The following FAM184A variants were observed in gnomAD, a reference collection of about 807,000 sequenced individuals.
The protein encoded by FAM184A is family with sequence similarity 184 member A.
FAM184A carries 99 observed loss-of-function variants against 143.8 expected under a neutral mutation model. The ratio of observed to expected loss-of-function variants is 0.69; its 90% CI spans 0.58 to 0.81. The LOEUF (loss-of-function observed/expected upper bound fraction) is 0.81, where lower values mean the gene tolerates loss of function less well. Among genes scored for constraint, FAM184A ranks in the 40% least tolerant of loss-of-function variants. FAM184A has a pLI of 0.00. For synonymous variants in FAM184A, 427 were observed against 446.4 expected (o/e 0.96, Z 0.55); for missense variants, 1,217 against 1,310.5 (o/e 0.93, Z 1.10).
intron 3 of FAM184A, among the ~76,000 whole-genome samples, chr6:119,021,788 C>T (rs937291389): frequency 1.3e-5 from 2 of 152,022 alleles, no homozygotes; most frequent in South Asian, 4.2e-4. Context: ...TCACCCTAGG[C>T]AACATGGCAA....
Position 118,975,875 on chromosome 6 carries a change from C to T in FAM184A, c.2583+42G>A, listed in dbSNP as rs781530351. The T allele has an allele frequency of 1.9e-6, 3 of 1,575,634 alleles. No homozygotes were observed. In the East Asian group the frequency reaches 6.8e-5, roughly 36 times the overall value. The stretch of plus-strand genomic sequence containing the variant: ...GGAAATTATGAACATTCAATCTATT[C>T]AAATTTAAGAAATCATCAGAGTACA... On this transcript the variant is annotated intron_variant, in intron 12 of 17. Transcript: ENST00000338891.
At chr6:119,062,641 CAG>C (rs1449435015) in intron 1 of FAM184A, among the ~76,000 whole-genome samples, 1 of 152,032 alleles carries the variant, frequency 6.6e-6, no homozygotes. Context: ...GCCTGGGTGA[CAG>C]AGAGAGACCC....
chr6:119,049,377 G>A (rs1350534505), intron 1 of FAM184A, among the ~76,000 whole-genome samples: 1 of 152,238 alleles, frequency 6.6e-6, no homozygotes, highest in African/African-American at 2.4e-5. Flanking sequence ...GAACCTGGGA[G>A]GCAGAGATTG....
intron 6 of FAM184A, among the ~76,000 whole-genome samples, chr6:119,007,400 C>T (rs555576722): frequency 1.1e-4 from 16 of 152,076 alleles, no homozygotes; most frequent in African/African-American, 3.4e-4. Context: ...TCCTTCAATC[C>T]TTCTCTGACC....
intron 1 of FAM184A, among the ~76,000 whole-genome samples, chr6:119,037,856 C>T (rs1786170706): frequency 6.6e-6 from 1 of 151,652 alleles, no homozygotes. Flanking sequence ...CAGTCCAAAG[C>T]AAAAAAGAAA....
chr6:119,147,929 C>T (rs1772507226), intron 1 of FAM184A, among the ~76,000 whole-genome samples: 1 of 152,248 alleles, frequency 6.6e-6, no homozygotes, highest in Non-Finnish European at 1.5e-5. Flanking sequence ...AAAGCTTTCC[C>T]AGTGCTTTGC....
intron 14 of FAM184A, 47 bp downstream of exon 14, chr6:118,974,381 C>T (rs1305844059): frequency 8.4e-6 from 13 of 1,544,630 alleles, no homozygotes; most frequent in Non-Finnish European, 1.1e-5. Flanking sequence ...CACAGTGCTC[C>T]TAAATTTATT....
intron 14 of FAM184A, among the ~76,000 whole-genome samples, chr6:118,973,370 G>A (rs1783752301): frequency 1.3e-5 from 2 of 152,062 alleles, no homozygotes; most frequent in South Asian, 2.1e-4. Context: ...TACTTAAAAC[G>A]GCAACAACAC....
chr6:119,098,526 T>C (rs1004115872), intron 1 of FAM184A, among the ~76,000 whole-genome samples: 7 of 152,200 alleles, frequency 4.6e-5, no homozygotes, highest in African/African-American at 1.7e-4. Flanking sequence ...ATGAAGGCTA[T>C]ACGTTGGTTT....
chr6:118,979,879 C>A (rs1431679481), intron 10 of FAM184A, among the ~76,000 whole-genome samples: 11 of 141,228 alleles, frequency 7.8e-5, no homozygotes, highest in African/African-American at 1.1e-4. Flanking sequence ...CCTGTTTCTA[C>A]AAAAAAAAAA....
In FAM184A at chr6:119,024,564, C is replaced by T. The variant is rs906728986; in HGVS notation, c.409G>A (p.Glu137Lys). 1.2e-6 allele frequency: 2 copies of T among 1,614,164 alleles called. No individual in the cohort carries two copies. The highest frequency in any genetic ancestry group is 1.7e-6 in the Non-Finnish European group (2 of 1,180,028). The change falls in exon 2 of 18, where the codon GAG becomes AAG. Residue 137 changes from glutamate to lysine, a missense_variant. Coordinates refer to ENST00000338891, the MANE Select transcript of FAM184A (RefSeq NM_024581.6). ...TEFEAYKHRV[E>K]DMQLCAEAQH... is the part of the protein sequence containing the mutation. ...GCTTCTGCACAAAGTTGCATGTCCT[C>T]AACTCTGTGCTTATAAGCTTCAAAT... is the stretch of plus-strand genomic sequence containing the variant.
chr6:119,016,683 C>A, intron 5 of FAM184A, 64 bp downstream of exon 5: 1 of 1,416,990 alleles, frequency 7.1e-7, no homozygotes, highest in Non-Finnish European at 9.9e-7. Context: ...CCACCAATTC[C>A]GGACACACTA....
At chr6:118,982,293 T>C (rs912502787) in intron 9 of FAM184A, among the ~76,000 whole-genome samples, 7 of 152,210 alleles carry the variant, frequency 4.6e-5, no homozygotes, top group Non-Finnish European at 7.3e-5. Context: ...AAGTTGGTTC[T>C]TGAAATAGAG....
At chr6:118,985,074 T>A (rs1321199563) in intron 9 of FAM184A, among the ~76,000 whole-genome samples, 1 of 152,218 alleles carries the variant, frequency 6.6e-6, no homozygotes, top group East Asian at 1.9e-4. Context: ...ATGGCTTAGG[T>A]CTCTCTTGAT....
At chr6:119,129,679 G>C (rs764612920) in intron 1 of FAM184A, among the ~76,000 whole-genome samples, 20 of 150,570 alleles carry the variant, frequency 1.3e-4, no homozygotes, top group South Asian at 4.2e-4. Flanking sequence ...GAGCTGAATA[G>C]GGGGGTGTTT....
At chr6:119,041,906 C>T (rs1027406205) in intron 1 of FAM184A, among the ~76,000 whole-genome samples, 1 of 152,142 alleles carries the variant, frequency 6.6e-6, no homozygotes, top group African/African-American at 2.4e-5. Flanking sequence ...ATAACACTCA[C>T]CGCATGGCCC....
chr6:119,126,272 A>G (rs1789363298), intron 1 of FAM184A, among the ~76,000 whole-genome samples: 1 of 152,202 alleles, frequency 6.6e-6, no homozygotes, highest in African/African-American at 2.4e-5. Flanking sequence ...CCTTTGCATG[A>G]AATCTCCCTC....
rs574407431 is a variant in FAM184A, at chr6:119,013,152, A to T, written c.1531-1721T>A. ...GAAATAATGCTGCAATAGGGTGGTG[A>T]ATATATTCACCTATAGGAAATTTCA... On this transcript the variant is annotated intron_variant, in intron 5 of 17. Transcript: ENST00000338891. 3.3e-5 allele frequency among the ~76,000 whole-genome samples: 5 copies of T among 152,320 alleles called. No homozygotes were observed. The South Asian group carries it at 1.0e-3, about 32-fold the overall frequency.
rs545358580 is a variant in FAM184A at position 119,136,921 on chromosome 6, T to TA, written c.-202+12156dup. Among the ~76,000 whole-genome samples, 187 of 152,222 alleles carry TA rather than the reference T, an allele frequency of 1.2e-3. 1 individual carries two copies. The highest frequency in any genetic ancestry group is 3.1e-3 in the Admixed American group (48 of 15,298). On this transcript the variant is annotated intron_variant, in intron 1 of 16. Transcript: ENST00000352896. ...CAAAGGAAAACCAAGATGCTGTTAC[T>TA]AAAAAAATGGGGACATTGATGCTGG... is the stretch of plus-strand genomic sequence containing the variant.
Sources: gnomAD v4.1 joint callset for allele counts (sites outside exome capture counted in the v4.1 genomes callset) on GRCh38, gnomAD v4.1.1 for gene constraint, MANE v1.5 for transcripts, NCBI Gene and HGNC (gene_info 2026-07-23, HGNC 2026-07-21) for gene names.